Variants in AGBL4 observed in about 807,000 individuals in gnomAD.
AGBL4 encodes the protein cytosolic carboxypeptidase 6.
A neutral mutation model predicts 66.4 loss-of-function variants in AGBL4; 58 were observed. The observed-to-expected ratio is 0.87, with a 90% CI of 0.71 to 1.09. AGBL4 has a LOEUF of 1.09. Ranked by LOEUF, AGBL4 falls within the 50% of genes least tolerant of loss-of-function variation. The probability of loss-of-function intolerance (pLI) is 0.00; values close to 1 mark genes in which losing one functional copy is unlikely to be tolerated. For synonymous variants in AGBL4, 234 were observed against 222.9 expected (o/e 1.05, Z -0.44); for missense variants, 579 against 631.0 (o/e 0.92, Z 0.88).
intron 8 of AGBL4, among the ~76,000 whole-genome samples, chr1:48,646,552 T>TGTGC (rs1037323758): frequency 1.3e-5 from 2 of 151,190 alleles, no homozygotes; most frequent in African/African-American, 4.9e-5. Flanking sequence ...TGTGTGTGTG[T>TGTGC]GTGCTGGTGC....
chr1:49,395,805 A>G (rs1468867093), intron 3 of AGBL4, among the ~76,000 whole-genome samples: 4 of 131,018 alleles, frequency 3.1e-5, no homozygotes, highest in Non-Finnish European at 6.4e-5. Flanking sequence ...ATATACATAT[A>G]TATATGTATA....
intron 3 of AGBL4, among the ~76,000 whole-genome samples, chr1:49,464,969 G>A (rs1474679965): frequency 6.6e-6 from 1 of 151,518 alleles, no homozygotes; most frequent in Non-Finnish European, 1.5e-5. Flanking sequence ...TTTCTATTAA[G>A]CCTTTCTGAA....
At chr1:49,691,359 A>G (rs1361627745) in intron 3 of AGBL4, 1 of 153,188 alleles carries the variant, frequency 6.5e-6, no homozygotes, top group East Asian at 1.9e-4. Context: ...CTTGTCCACC[A>G]TGATGATGTT....
intron 3 of AGBL4, among the ~76,000 whole-genome samples, chr1:49,601,147 T>C (rs1215156231): frequency 6.6e-6 from 1 of 152,226 alleles, no homozygotes; most frequent in Non-Finnish European, 1.5e-5. Context: ...TGGTGTTCTC[T>C]GTATTTCCTG....
intron 3 of AGBL4, among the ~76,000 whole-genome samples, chr1:49,419,063 G>A (rs1325671625): frequency 2.0e-5 from 3 of 152,144 alleles, no homozygotes; most frequent in African/African-American, 7.2e-5. Flanking sequence ...TTGAGATGTA[G>A]TAGAAGGCAA....
chr1:48,551,564 C>T (rs1312094706), intron 11 of AGBL4, among the ~76,000 whole-genome samples: 1 of 151,620 alleles, frequency 6.6e-6, no homozygotes, highest in Admixed American at 6.6e-5. Flanking sequence ...GGAGAAAAAG[C>T]AAGACAAAAA....
intron 4 of AGBL4, among the ~76,000 whole-genome samples, chr1:49,109,925 A>T (rs1348775756): frequency 2.0e-5 from 3 of 152,188 alleles, no homozygotes; most frequent in African/African-American, 7.2e-5. Context: ...ATAATAAAAA[A>T]AACTCCAATT....
intron 1 of AGBL4, among the ~76,000 whole-genome samples, chr1:49,915,488 T>C (rs1057409125): frequency 1.3e-5 from 2 of 152,074 alleles, no homozygotes; most frequent in Admixed American, 6.5e-5. Context: ...CGCTCATTGC[T>C]AGCACAGCAG....
chr1:49,456,285 A>C (rs2148690136), intron 3 of AGBL4, among the ~76,000 whole-genome samples: 1 of 151,870 alleles, frequency 6.6e-6, no homozygotes, highest in Middle Eastern at 3.4e-3. Flanking sequence ...GAATTTAAAC[A>C]GAGCCTTGTC....
At chr1:49,569,637 C>T (rs1337400117) in intron 3 of AGBL4, among the ~76,000 whole-genome samples, 2 of 152,166 alleles carry the variant, frequency 1.3e-5, no homozygotes, top group South Asian at 4.1e-4. Flanking sequence ...CTGCCACACC[C>T]ATAGATTGCA....
At chr1:49,774,068 G>C (rs953234147) in intron 2 of AGBL4, among the ~76,000 whole-genome samples, 14 of 152,208 alleles carry the variant, frequency 9.2e-5, no homozygotes, top group Non-Finnish European at 1.9e-4. Flanking sequence ...CCAGTTTCAA[G>C]ATGATGCCAT....
At chr1:49,275,497 A>G (rs1419478957) in intron 3 of AGBL4, among the ~76,000 whole-genome samples, 5 of 152,172 alleles carry the variant, frequency 3.3e-5, no homozygotes, top group Non-Finnish European at 5.9e-5. Flanking sequence ...GCCAATCACT[A>G]TTGTTACTAC....
chr1:48,607,621 C>T (rs533033886), intron 9 of AGBL4, among the ~76,000 whole-genome samples: 1 of 152,014 alleles, frequency 6.6e-6, no homozygotes, highest in Non-Finnish European at 1.5e-5. Flanking sequence ...TCCATCCCCC[C>T]ACCCCCAGAA....
At chr1:49,316,852 T>G (rs1168293200) in intron 3 of AGBL4, among the ~76,000 whole-genome samples, 1 of 151,826 alleles carries the variant, frequency 6.6e-6, no homozygotes, top group Non-Finnish European at 1.5e-5. Flanking sequence ...TATCCCAAAC[T>G]AAAGGATAGG....
intron 3 of AGBL4, among the ~76,000 whole-genome samples, chr1:49,566,453 T>C (rs1222658386): frequency 6.6e-6 from 1 of 152,194 alleles, no homozygotes; most frequent in Non-Finnish European, 1.5e-5. Context: ...TCTTTGATGA[T>C]GGTAATGTAC....
chr1:49,840,737 A>G (rs1006305956), intron 2 of AGBL4, among the ~76,000 whole-genome samples: 2 of 152,228 alleles, frequency 1.3e-5, no homozygotes, highest in Non-Finnish European at 2.9e-5. Context: ...AACAGAATTA[A>G]AAGCAAAAAT....
At chr1:49,061,364 T>A (rs1048160668) in intron 4 of AGBL4, among the ~76,000 whole-genome samples, 1 of 152,102 alleles carries the variant, frequency 6.6e-6, no homozygotes, top group African/African-American at 2.4e-5. Flanking sequence ...CCCTTGAATA[T>A]CAGTCTCCAG....
intron 1 of AGBL4, among the ~76,000 whole-genome samples, chr1:49,874,911 G>C (rs1045169856): frequency 7.3e-5 from 11 of 150,412 alleles, no homozygotes; most frequent in African/African-American, 2.4e-4. Context: ...TGACATGCTG[G>C]TGTGCTGCAC....
At chr1:49,745,779 T>C (rs1294556082) in intron 2 of AGBL4, among the ~76,000 whole-genome samples, 1 of 151,832 alleles carries the variant, frequency 6.6e-6, no homozygotes, top group Non-Finnish European at 1.5e-5. Flanking sequence ...ATAGAAAATT[T>C]AACAATAATT....
Sources: allele counts gnomAD v4.1 joint callset (sites outside exome capture counted in the v4.1 genomes callset), GRCh38; gene constraint gnomAD v4.1.1; transcripts MANE v1.5; gene names NCBI Gene and HGNC (gene_info 2026-07-23, HGNC 2026-07-21).